Variants in NRXN1 observed in about 807,000 individuals in gnomAD.
The protein encoded by NRXN1 is neurexin 1.
A neutral mutation model predicts 150.9 loss-of-function variants in NRXN1; 39 were observed. That is an observed-to-expected ratio of 0.26 (90% CI 0.20 to 0.34). NRXN1 has a LOEUF of 0.34. NRXN1 is among the 10% of genes least tolerant of loss of function. NRXN1 has a pLI of 1.00. For missense variants in NRXN1, 1,815 were observed against 1,949.9 expected, an observed-to-expected ratio of 0.93 and a Z score of 1.30; for synonymous variants, 924 against 757.0, an observed-to-expected ratio of 1.22 and a Z score of -3.62.
intron 5 of NRXN1, among the ~76,000 whole-genome samples, chr2:50,694,213 T>C (rs557094670): frequency 6.6e-6 from 1 of 152,316 alleles, no homozygotes; most frequent in African/African-American, 2.4e-5. Context: ...TTGAATATAA[T>C]TAAACTTTGT....
At chr2:50,098,830 G>GTTTTTTTTTTTTTTTTTTTTTTTTTTT (rs746736925) in intron 18 of NRXN1, among the ~76,000 whole-genome samples, 6 of 105,564 alleles carry the variant, frequency 5.7e-5, no homozygotes, top group Middle Eastern at 5.3e-3. Flanking sequence ...TTTGGTTTTA[G>GTTTTTTTTTTTTTTTTTTTTTTTTTTT]TTTTTTTTTT....
At chr2:50,389,644 T>C (rs1386656574) in intron 17 of NRXN1, among the ~76,000 whole-genome samples, 1 of 152,142 alleles carries the variant, frequency 6.6e-6, no homozygotes, top group Admixed American at 6.6e-5. Flanking sequence ...TCTCCTATAA[T>C]CTTTTCTTGG....
At chr2:50,252,266 T>G (rs1262001737) in intron 17 of NRXN1, among the ~76,000 whole-genome samples, 2 of 138,822 alleles carry the variant, frequency 1.4e-5, no homozygotes, top group African/African-American at 5.4e-5. Context: ...TTCTTTTTTT[T>G]TTTTTTTTTT....
intron 17 of NRXN1, among the ~76,000 whole-genome samples, chr2:50,343,090 C>T (rs898659937): frequency 6.6e-6 from 1 of 152,246 alleles, no homozygotes; most frequent in East Asian, 1.9e-4. Context: ...ACACTTCCTT[C>T]TGGGAAAGCC....
chr2:50,240,606 C>A (rs999355578), intron 17 of NRXN1, among the ~76,000 whole-genome samples: 1 of 151,604 alleles, frequency 6.6e-6, no homozygotes, highest in Admixed American at 6.6e-5. Context: ...GATGTACTTA[C>A]TGAAGCAGAA....
intron 8 of NRXN1, among the ~76,000 whole-genome samples, chr2:50,557,118 C>A (rs1323482034): frequency 6.6e-6 from 1 of 152,150 alleles, no homozygotes; most frequent in Non-Finnish European, 1.5e-5. Flanking sequence ...AGGATTATAT[C>A]TACCTAAGTT....
At chr2:50,592,808 G>A (rs138786424) in intron 8 of NRXN1, among the ~76,000 whole-genome samples, 270 of 152,200 alleles carry the variant, frequency 1.8e-3, no homozygotes, top group African/African-American at 6.3e-3. Context: ...TGTGGTTAGC[G>A]AAAGCCTAGA....
chr2:50,836,215 C>A (rs961305584), intron 5 of NRXN1, among the ~76,000 whole-genome samples: 2 of 152,082 alleles, frequency 1.3e-5, no homozygotes, highest in South Asian at 4.1e-4. Context: ...TTTTAATCGA[C>A]AAATAATAAT....
At chr2:50,993,756 A>G (rs1373408896) in intron 2 of NRXN1, among the ~76,000 whole-genome samples, 1 of 151,906 alleles carries the variant, frequency 6.6e-6, no homozygotes, top group Non-Finnish European at 1.5e-5. Context: ...TTCTCCACAC[A>G]CTATTTACAT....
intron 16 of NRXN1, chr2:50,466,329 G>T (rs115199228): frequency 7.4e-4 from 277 of 376,622 alleles, no homozygotes; most frequent in Non-Finnish European, 1.1e-3. Flanking sequence ...CTTGCACAAC[G>T]TTCAAGAAAG....
chr2:50,607,239 T>C (rs1382653878), intron 8 of NRXN1, among the ~76,000 whole-genome samples: 1 of 152,170 alleles, frequency 6.6e-6, no homozygotes, highest in Non-Finnish European at 1.5e-5. Flanking sequence ...ATAAACATGA[T>C]GTAAGCATAC....
rs1690794004 is a variant in NRXN1 at position 50,948,630 on chromosome 2, T to C, written c.773-22675A>G. Among the ~76,000 whole-genome samples the C allele has an allele frequency of 2.0e-5, 3 of 152,018 alleles. 1 individual carries two copies. Among genetic ancestry groups the C allele is most frequent in the South Asian group, 4.1e-4 (2 of 4,828 alleles). On this transcript the variant is annotated intron_variant, in intron 2 of 22. Coordinates refer to ENST00000401669, the MANE Select transcript of NRXN1 (RefSeq NM_001330078.2). ...GATTGAGGGAGCAGCTAATACATAC[T>C]GCCCCATTTAATCTTAGAGTAGGCT...
chr2:50,868,144 TATATA>T (rs1677212576), intron 5 of NRXN1, among the ~76,000 whole-genome samples: 3 of 4,180 alleles, frequency 7.2e-4, no homozygotes, highest in Non-Finnish European at 1.5e-3. Flanking sequence ...CAAAATATTA[TATATA>T]TATATATATA....
chr2:50,772,348 G>A (rs752651898), intron 5 of NRXN1, among the ~76,000 whole-genome samples: 3 of 151,524 alleles, frequency 2.0e-5, no homozygotes, highest in Non-Finnish European at 4.4e-5. Context: ...TTAAATATTT[G>A]TTAGATAATA....
chr2:50,950,558 T>A (rs1476535219), intron 2 of NRXN1, among the ~76,000 whole-genome samples: 1 of 152,188 alleles, frequency 6.6e-6, no homozygotes, highest in Non-Finnish European at 1.5e-5. Flanking sequence ...ACATTTTGTA[T>A]CGGATAAGTC....
chr2:50,519,770 T>G (rs2092734336), intron 12 of NRXN1, among the ~76,000 whole-genome samples: 1 of 151,918 alleles, frequency 6.6e-6, no homozygotes, highest in Non-Finnish European at 1.5e-5. Flanking sequence ...TCACAGATGC[T>G]CCCAACCAGT....
At chr2:50,515,301 A>G (rs1037806359) in intron 12 of NRXN1, among the ~76,000 whole-genome samples, 1 of 152,184 alleles carries the variant, frequency 6.6e-6, no homozygotes, top group Non-Finnish European at 1.5e-5. Flanking sequence ...AACAACCTCT[A>G]GTTTTACTGA....
At chr2:50,669,159 A>C (rs1229019923) in intron 5 of NRXN1, among the ~76,000 whole-genome samples, 2 of 151,976 alleles carry the variant, frequency 1.3e-5, no homozygotes, top group Non-Finnish European at 2.9e-5. Context: ...TTGGGGATTT[A>C]AGCTCTGAGC....
intron 5 of NRXN1, among the ~76,000 whole-genome samples, chr2:50,763,087 T>C (rs1316168539): frequency 6.6e-6 from 1 of 151,950 alleles, no homozygotes; most frequent in African/African-American, 2.4e-5. Context: ...TTTAGGAGCC[T>C]CCCTTCATTT....
Sources: allele counts gnomAD v4.1 joint callset (sites outside exome capture counted in the v4.1 genomes callset), GRCh38; gene constraint gnomAD v4.1.1; transcripts MANE v1.5; gene names NCBI Gene and HGNC (gene_info 2026-07-23, HGNC 2026-07-21).